ANKRD50: variants seen among roughly 807,000 people sequenced by gnomAD.
The protein encoded by ANKRD50 is ankyrin repeat domain-containing protein 50.
Under a neutral mutation model 112.0 loss-of-function variants are expected in ANKRD50, and 40 were observed. That is an observed-to-expected ratio of 0.36 (90% CI 0.28 to 0.46). The LOEUF is 0.46. Among genes scored for constraint, ANKRD50 ranks in the 20% least tolerant of loss-of-function variants. The pLI is 1.00. For missense variants in ANKRD50, 1,487 were observed against 1,701.7 expected, an observed-to-expected ratio of 0.87 and a Z score of 2.22; for synonymous variants, 613 against 619.1, an observed-to-expected ratio of 0.99 and a Z score of 0.15.
chr4:124,709,438 C>T (rs1331648739), intron 2 of ANKRD50, among the ~76,000 whole-genome samples: 5 of 151,946 alleles, frequency 3.3e-5, no homozygotes, highest in East Asian at 1.9e-4. Context: ...CCCAAATGTT[C>T]GCTATTTTAT....
intron 2 of ANKRD50, among the ~76,000 whole-genome samples, chr4:124,695,476 C>T (rs144740936): frequency 2.2e-3 from 334 of 152,240 alleles, no homozygotes; most frequent in African/African-American, 7.6e-3. Context: ...GTCCTGAACA[C>T]GAGGCTGAAT....
At chr4:124,689,543 A>C (rs1471104979) in intron 2 of ANKRD50, among the ~76,000 whole-genome samples, 1 of 152,196 alleles carries the variant, frequency 6.6e-6, no homozygotes, top group Non-Finnish European at 1.5e-5. Context: ...CCAATCAAAG[A>C]TTGAATACAA....
Position 124,669,099 on chromosome 4 carries a change from A to G in ANKRD50, c.4178T>C (p.Val1393Ala), listed in dbSNP as rs1730566010. 5 of 1,613,576 alleles carry G rather than the reference A, an allele frequency of 3.1e-6. No homozygotes were observed. Among genetic ancestry groups the G allele is most frequent in the Non-Finnish European group, 4.2e-6 (5 of 1,179,712 alleles). ...RTMQDRGHQE[V>A]LEGYPSSETE... ...CTCTGAGGAAGGGTATCCCTCCAAC[A>G]CTTCCTGATGCCCTCTATCTTGCAT... The change falls in exon 4 of 5, where the codon GTG becomes GCG. Residue 1393 changes from valine (V) to alanine (A), a missense_variant. By Grantham distance (64) the Val-to-Ala change is moderately conservative. This residue lies in a region of ANKRD50 where 441 missense variants were observed against 432.2 expected (regional missense o/e 1.02). Coordinates refer to ENST00000504087, the MANE Select transcript of ANKRD50 (RefSeq NM_020337.3).
At chr4:124,703,210 A>C (rs563850304) in intron 2 of ANKRD50, among the ~76,000 whole-genome samples, 1 of 152,302 alleles carries the variant, frequency 6.6e-6, no homozygotes, top group African/African-American at 2.4e-5. Flanking sequence ...ACTGAAAAAA[A>C]ATACCTAAAA....
At chr4:124,702,758 C>CT (rs1232813729) in intron 2 of ANKRD50, among the ~76,000 whole-genome samples, 1 of 152,110 alleles carries the variant, frequency 6.6e-6, no homozygotes, top group East Asian at 1.9e-4. Flanking sequence ...ATTCTTGTGA[C>CT]TATTTGTTCA....
chr4:124,675,198 T>C (rs1182249502), intron 3 of ANKRD50, among the ~76,000 whole-genome samples: 1 of 151,810 alleles, frequency 6.6e-6, no homozygotes, highest in Non-Finnish European at 1.5e-5. Flanking sequence ...TACTTGAACT[T>C]TTCTATTCTT....
chr4:124,687,698 C>A (rs933001868), intron 2 of ANKRD50, among the ~76,000 whole-genome samples: 3 of 152,010 alleles, frequency 2.0e-5, no homozygotes, highest in Non-Finnish European at 4.4e-5. Context: ...TTTAAATGGG[C>A]AGAAGATTAA....
chr4:124,684,632 T>A (rs1724964594), intron 2 of ANKRD50, among the ~76,000 whole-genome samples: 1 of 152,206 alleles, frequency 6.6e-6, no homozygotes, highest in Non-Finnish European at 1.5e-5. Context: ...ATGCACTTAT[T>A]TCAACGAATA....
chr4:124,708,161 G>A (rs1725547187), intron 2 of ANKRD50, among the ~76,000 whole-genome samples: 1 of 152,034 alleles, frequency 6.6e-6, no homozygotes, highest in South Asian at 2.1e-4. Flanking sequence ...TTCAGAAAAA[G>A]CAGTAAGAAG....
At chr4:124,712,176 G>A (rs1725651323) in intron 1 of ANKRD50, among the ~76,000 whole-genome samples, 1 of 151,972 alleles carries the variant, frequency 6.6e-6, no homozygotes, top group African/African-American at 2.4e-5. Flanking sequence ...GCCCCGCACC[G>A]AGATTGGGGT....
intron 3 of ANKRD50, among the ~76,000 whole-genome samples, chr4:124,678,124 C>A (rs962980282): frequency 1.3e-5 from 2 of 152,036 alleles, no homozygotes; most frequent in South Asian, 4.1e-4. Context: ...TAGAACTACT[C>A]AAAAGTTATA....
At chr4:124,668,129 T>A (rs1730542330) in intron 4 of ANKRD50, among the ~76,000 whole-genome samples, 1 of 151,898 alleles carries the variant, frequency 6.6e-6, no homozygotes, top group Non-Finnish European at 1.5e-5. Context: ...TGAAAAAGTA[T>A]CTAAAATATA....
chr4:124,704,964 G>A (rs1725471355), intron 2 of ANKRD50, among the ~76,000 whole-genome samples: 1 of 151,966 alleles, frequency 6.6e-6, no homozygotes, highest in African/African-American at 2.4e-5. Context: ...TGTGGTGGTG[G>A]GTGCCTATAG....
intron 2 of ANKRD50, among the ~76,000 whole-genome samples, chr4:124,692,412 T>A (rs1012973545): frequency 5.3e-5 from 8 of 152,188 alleles, no homozygotes; most frequent in Non-Finnish European, 8.8e-5. Context: ...GGGGATATAA[T>A]GCATTTGTCT....
At position 124,664,140 on chromosome 4, in the gene ANKRD50, A is replaced by G. The variant is rs1730433039; in HGVS notation, c.*3378T>C. Reference sequence around the variant, plus strand: ...AAAATATCCGCCATAAGATGGCCATAATATTCTGATGATCAAGGAGCACAC... The same window carrying G: ...AAAATATCCGCCATAAGATGGCCATGATATTCTGATGATCAAGGAGCACAC... On this transcript the variant is annotated 3_prime_UTR_variant, in exon 5 of 5. Coordinates refer to ENST00000504087, the MANE Select transcript of ANKRD50 (RefSeq NM_020337.3). 6.6e-6 allele frequency: 1 copy of G among 152,032 alleles called. No individual in the cohort carries two copies. Among genetic ancestry groups the G allele is most frequent in the Admixed American group, 6.6e-5 (1 of 15,228 alleles). 9.4% of individuals were successfully genotyped at this position (152,032 alleles called of 1,614,324 possible). A position where few individuals can be genotyped will look rare whatever the true frequency, so the allele number is the denominator to read the frequency against.
chr4:124,703,668 GTT>G (rs199597600), intron 2 of ANKRD50, among the ~76,000 whole-genome samples: 2 of 143,430 alleles, frequency 1.4e-5, no homozygotes, highest in East Asian at 4.1e-4. Flanking sequence ...AAATTTCCAG[GTT>G]TTTTTTTTTT....
At chr4:124,679,918 A>G (rs190617655) in intron 2 of ANKRD50, among the ~76,000 whole-genome samples, 1 of 152,296 alleles carries the variant, frequency 6.6e-6, no homozygotes, top group East Asian at 1.9e-4. Flanking sequence ...TACTGCAGCC[A>G]GGGTCACTTC....
At chr4:124,692,991 G>C (rs1725171083) in intron 2 of ANKRD50, among the ~76,000 whole-genome samples, 1 of 152,070 alleles carries the variant, frequency 6.6e-6, no homozygotes, top group South Asian at 2.1e-4. Context: ...AAGAAACAAA[G>C]GTTTTGAGGG....
chr4:124,710,640 G>T lies in ANKRD50; in HGVS notation c.-129C>A. 2.7e-6 allele frequency: 3 copies of T among 1,111,400 alleles called. No individual in the cohort carries two copies. The highest frequency in any genetic ancestry group is 3.8e-6 in the Non-Finnish European group (3 of 780,518). 68.8% of individuals were successfully genotyped at this position (1,111,400 alleles called of 1,614,324 possible). A position where few individuals can be genotyped will look rare whatever the true frequency, so the allele number is the denominator to read the frequency against. On this transcript the variant is annotated 5_prime_UTR_variant, in exon 2 of 5. The change creates a new upstream start codon in the 5' untranslated region. Transcript: ENST00000504087. Reference sequence around the variant, plus strand: ...TAACTAGTTACAGTAAAATTCAACAGCCACAGAGTTCCTCTGTCAACAGAA... The same window carrying T: ...TAACTAGTTACAGTAAAATTCAACATCCACAGAGTTCCTCTGTCAACAGAA...
Sources: gnomAD v4.1 joint callset for allele counts (sites outside exome capture counted in the v4.1 genomes callset) on GRCh38, gnomAD v4.1.1 for gene constraint, gnomAD v4.1.1 regional missense constraint, MANE v1.5 for transcripts, NCBI Gene and HGNC (gene_info 2026-07-23, HGNC 2026-07-21) for gene names.